The following QRFPR variants were observed in gnomAD, a reference collection of about 807,000 sequenced individuals.
The protein encoded by QRFPR is pyroglutamylated RF-amide peptide receptor.
QRFPR carries 37 observed loss-of-function variants against 31.3 expected under a neutral mutation model. That is an observed-to-expected ratio of 1.18 (90% CI 0.91 to 1.56). QRFPR has a LOEUF of 1.56. Ranked by LOEUF, QRFPR falls within the 40% of genes most tolerant of loss-of-function variation. The pLI is 0.00. For synonymous variants in QRFPR, 197 were observed against 192.0 expected (o/e 1.03, Z -0.22); for missense variants, 542 against 532.5 (o/e 1.02, Z -0.18).
intron 3 of QRFPR, 139 bp downstream of exon 3, chr4:121,336,668 C>T: frequency 5.5e-6 from 4 of 730,310 alleles, no homozygotes; most frequent in Admixed American, 1.9e-5. Flanking sequence ...TCATTTTATT[C>T]CACTTAAAAG....
intron 4 of QRFPR, 146 bp downstream of exon 4, chr4:121,332,675 G>C (rs898386294): frequency 3.1e-6 from 2 of 643,642 alleles, no homozygotes; most frequent in African/African-American, 3.7e-5. Flanking sequence ...AACTTCAAGA[G>C]TTTAAAATCA....
intron 1 of QRFPR, among the ~76,000 whole-genome samples, chr4:121,374,020 G>T (rs1201267785): frequency 6.6e-6 from 1 of 152,232 alleles, no homozygotes; most frequent in African/African-American, 2.4e-5. Context: ...CTGTGGCCCT[G>T]GGCAAAATAG....
chr4:121,331,793 C>T (rs1274810541), intron 4 of QRFPR, among the ~76,000 whole-genome samples: 1 of 151,932 alleles, frequency 6.6e-6, no homozygotes, highest in African/African-American at 2.4e-5. Flanking sequence ...GCTGGGATTA[C>T]AGGCACCCAC....
In QRFPR at chr4:121,361,495, G is replaced by A. The variant is rs116514471; in HGVS notation, c.340+18813C>T. ...ACTACTGGCCAAAATAATCTATCCC[G>A]TGTTCCTCAGAAGCAAAAGTGGAAC... is the stretch of plus-strand genomic sequence containing the variant. On this transcript the variant is annotated intron_variant, in intron 1 of 5. Coordinates refer to ENST00000394427, the MANE Select transcript of QRFPR (RefSeq NM_198179.3). Among the ~76,000 whole-genome samples the A allele has an allele frequency of 1.5e-3, 228 of 150,150 alleles. 10 individuals carry two copies. Among genetic ancestry groups the A allele is most frequent in the African/African-American group, 5.3e-3 (216 of 40,650 alleles).
In QRFPR at chr4:121,336,490, T is replaced by C. The variant is rs540862282; in HGVS notation, c.561+317A>G. ...GAAAAACCTAGAGCAATCATTCAACTCTTAAAATGTAAGAAAACATTTAGG... is the reference window on the plus strand; with the variant it reads ...GAAAAACCTAGAGCAATCATTCAACCCTTAAAATGTAAGAAAACATTTAGG... On this transcript the variant is annotated intron_variant, in intron 3 of 5. Transcript: ENST00000394427. 2.0e-5 allele frequency among the ~76,000 whole-genome samples: 3 copies of C among 152,334 alleles called. No homozygotes were observed. In the East Asian group the frequency reaches 5.8e-4, roughly 29 times the overall value.
intron 1 of QRFPR, among the ~76,000 whole-genome samples, chr4:121,366,816 T>C (rs927517786): frequency 2.0e-5 from 3 of 150,070 alleles, no homozygotes; most frequent in Non-Finnish European, 4.4e-5. Flanking sequence ...ATGAGGATAA[T>C]ATTATATTTG....
At chr4:121,358,920 A>T (rs919925959) in intron 1 of QRFPR, among the ~76,000 whole-genome samples, 18 of 152,170 alleles carry the variant, frequency 1.2e-4, no homozygotes, top group African/African-American at 4.1e-4. Flanking sequence ...ACACTAAAAG[A>T]TAGGTGATAT....
chr4:121,372,460 A>C (rs1380226080), intron 1 of QRFPR, among the ~76,000 whole-genome samples: 1 of 152,192 alleles, frequency 6.6e-6, no homozygotes, highest in Non-Finnish European at 1.5e-5. Context: ...AGCCATTTTT[A>C]AGTGTATGAT....
intron 1 of QRFPR, among the ~76,000 whole-genome samples, chr4:121,372,100 A>G (rs1726258421): frequency 6.6e-6 from 1 of 152,168 alleles, no homozygotes; most frequent in Admixed American, 6.5e-5. Context: ...GTGGGGAGAA[A>G]GGAGGGAAGT....
intron 1 of QRFPR, among the ~76,000 whole-genome samples, chr4:121,346,893 T>C (rs533544876): frequency 6.6e-6 from 1 of 152,224 alleles, no homozygotes; most frequent in African/African-American, 2.4e-5. Context: ...TCATGATGTA[T>C]AATCCTTTTT....
At chr4:121,346,943 T>C (rs560280402) in intron 1 of QRFPR, among the ~76,000 whole-genome samples, 48 of 152,302 alleles carry the variant, frequency 3.2e-4, no homozygotes, top group Non-Finnish European at 4.4e-4. Flanking sequence ...ATTGATATTT[T>C]GTGTGCCCAT....
intron 1 of QRFPR, among the ~76,000 whole-genome samples, chr4:121,367,285 A>T (rs1283396433): frequency 6.7e-6 from 1 of 149,954 alleles, no homozygotes; most frequent in African/African-American, 2.5e-5. Context: ...GAGCCTTGAA[A>T]GGAACTACAA....
chr4:121,330,318 T>C lies in QRFPR; in HGVS notation c.895+108A>G, dbSNP rs1258908384. 6 of 724,334 alleles carry C rather than the reference T, an allele frequency of 8.3e-6. No individual in the cohort carries two copies. The East Asian group carries it at 1.3e-4, about 16-fold the overall frequency. The allele number at this position is 724,334 out of a possible 1,614,324, so 44.9% of individuals were successfully genotyped here. A position where few individuals can be genotyped will look rare whatever the true frequency, so the allele number is the denominator to read the frequency against. On this transcript the variant is annotated intron_variant, in intron 5 of 5. Transcript: ENST00000394427. ...GACATGAAAGAAATATATGAAATGT[T>C]AGGTATTTGATTATCCAAGTGAACA...
chr4:121,376,137 G>A (rs990354838), intron 1 of QRFPR, among the ~76,000 whole-genome samples: 2 of 152,072 alleles, frequency 1.3e-5, no homozygotes, highest in African/African-American at 2.4e-5. Context: ...TAAAGGAAAG[G>A]GCCATGGCAG....
chr4:121,340,816 C>T (rs1725529679), intron 1 of QRFPR, among the ~76,000 whole-genome samples: 2 of 152,118 alleles, frequency 1.3e-5, no homozygotes, highest in African/African-American at 2.4e-5. Flanking sequence ...TTCCTAAATG[C>T]TATGCAATTA....
chr4:121,340,651 A>G (rs1220860877), intron 1 of QRFPR, 41 bp from the exon 2 acceptor site: 1 of 1,581,528 alleles, frequency 6.3e-7, no homozygotes. Flanking sequence ...TCAAAACAAA[A>G]AGAATAAAGG....
intron 1 of QRFPR, among the ~76,000 whole-genome samples, chr4:121,352,822 A>G (rs964549179): frequency 7.2e-5 from 11 of 152,096 alleles, no homozygotes; most frequent in African/African-American, 2.4e-4. Context: ...CATTTTATTC[A>G]TTCTATTTGT....
intron 4 of QRFPR, among the ~76,000 whole-genome samples, chr4:121,332,109 C>G (rs1369134333): frequency 6.6e-6 from 1 of 152,210 alleles, no homozygotes; most frequent in African/African-American, 2.4e-5. Context: ...CTAGAGATCA[C>G]TGCACACTTG....
intron 1 of QRFPR, among the ~76,000 whole-genome samples, chr4:121,372,336 T>A (rs1726263108): frequency 6.6e-6 from 1 of 152,216 alleles, no homozygotes; most frequent in African/African-American, 2.4e-5. Flanking sequence ...CTTCCAGAAT[T>A]TTCTGCAACT....
Sources: gnomAD v4.1 joint callset for allele counts (sites outside exome capture counted in the v4.1 genomes callset) on GRCh38, gnomAD v4.1.1 for gene constraint, MANE v1.5 for transcripts, NCBI Gene and HGNC (gene_info 2026-07-23, HGNC 2026-07-21) for gene names.